DNM3: variants seen among roughly 807,000 people sequenced by gnomAD.
The protein encoded by DNM3 is dynamin-3.
A neutral mutation model predicts 101.6 loss-of-function variants in DNM3; 47 were observed. The ratio of observed to expected loss-of-function variants is 0.46; its 90% CI spans 0.37 to 0.59. The LOEUF (loss-of-function observed/expected upper bound fraction) is 0.59, where lower values mean the gene tolerates loss of function less well. Among genes scored for constraint, DNM3 ranks in the 20% least tolerant of loss-of-function variants. The probability of loss-of-function intolerance (pLI) is 0.00; values close to 1 mark genes in which losing one functional copy is unlikely to be tolerated. For missense variants in DNM3, 849 were observed against 1,085.7 expected, an observed-to-expected ratio of 0.78 and a Z score of 3.06; for synonymous variants, 385 against 387.9, an observed-to-expected ratio of 0.99 and a Z score of 0.09.
chr1:172,324,488 A>G (rs931736153), intron 17 of DNM3, among the ~76,000 whole-genome samples: 3 of 152,178 alleles, frequency 2.0e-5, no homozygotes, highest in Admixed American at 6.6e-5. Flanking sequence ...TAACCCAAGT[A>G]ATAATATATA....
At chr1:172,226,081 A>G in intron 14 of DNM3, among the ~76,000 whole-genome samples, 1 of 152,150 alleles carries the variant, frequency 6.6e-6, no homozygotes, top group East Asian at 1.9e-4. Context: ...TAATGCTGTA[A>G]TAAACATCAC....
At chr1:172,147,043 A>G (rs776322201) in intron 14 of DNM3, among the ~76,000 whole-genome samples, 4 of 152,148 alleles carry the variant, frequency 2.6e-5, no homozygotes, top group Non-Finnish European at 5.9e-5. Context: ...TCCCCTTAGA[A>G]TATATGTCCA....
intron 1 of DNM3, among the ~76,000 whole-genome samples, chr1:171,854,072 G>A (rs2033296479): frequency 6.6e-6 from 1 of 152,132 alleles, no homozygotes; most frequent in Admixed American, 6.5e-5. Flanking sequence ...TTGCTACTTT[G>A]TGAAAGACAC....
chr1:172,306,207 C>A (rs1183910102), intron 15 of DNM3, among the ~76,000 whole-genome samples: 1 of 152,092 alleles, frequency 6.6e-6, no homozygotes. Flanking sequence ...AATCAATGTG[C>A]AAAAATCACA....
chr1:172,254,674 T>C (rs1283699579), intron 15 of DNM3, among the ~76,000 whole-genome samples: 1 of 152,168 alleles, frequency 6.6e-6, no homozygotes, highest in Non-Finnish European at 1.5e-5. Flanking sequence ...TATTTTGTTC[T>C]GCTGTTCATG....
At chr1:172,340,248 A>G (rs942817213) in intron 17 of DNM3, among the ~76,000 whole-genome samples, 1 of 152,206 alleles carries the variant, frequency 6.6e-6, no homozygotes, top group Non-Finnish European at 1.5e-5. Context: ...CCTTCTGGGA[A>G]TTTAGGATGT....
At chr1:172,009,129 ATATTT>A (rs2046941411) in intron 4 of DNM3, among the ~76,000 whole-genome samples, 1 of 129,502 alleles carries the variant, frequency 7.7e-6, no homozygotes, top group Non-Finnish European at 1.6e-5. Flanking sequence ...TATAATATAT[ATATTT>A]ATATTATATA....
chr1:171,998,704 A>G (rs2046172123), intron 4 of DNM3, among the ~76,000 whole-genome samples: 1 of 152,134 alleles, frequency 6.6e-6, no homozygotes, highest in South Asian at 2.1e-4. Flanking sequence ...GCTGCAAAGA[A>G]AAATGAAACA....
chr1:172,208,776 G>A (rs1410012788), intron 14 of DNM3, among the ~76,000 whole-genome samples: 1 of 152,108 alleles, frequency 6.6e-6, no homozygotes, highest in Non-Finnish European at 1.5e-5. Flanking sequence ...GCTAGGCTTA[G>A]TCTCTTGGAA....
In DNM3 at chr1:171,999,753, A is replaced by G. The variant is rs61805850; in HGVS notation, c.589+10605A>G. 6.3e-3 allele frequency among the ~76,000 whole-genome samples: 955 copies of G among 152,226 alleles called. 9 individuals carry two copies. The highest frequency in any genetic ancestry group is 0.011 in the Non-Finnish European group (748 of 67,994). Reference sequence around the variant, plus strand: ...TAGACCCTAAAATCCAATAACTGATATCTTTATAAGAGAAAAGAGAGAGAT... The same window carrying G: ...TAGACCCTAAAATCCAATAACTGATGTCTTTATAAGAGAAAAGAGAGAGAT... On this transcript the variant is annotated intron_variant, in intron 4 of 20. Coordinates refer to ENST00000627582, the MANE Select transcript of DNM3 (RefSeq NM_015569.5).
intron 2 of DNM3, among the ~76,000 whole-genome samples, chr1:171,938,971 T>A (rs1468108706): frequency 6.6e-6 from 1 of 152,248 alleles, no homozygotes; most frequent in African/African-American, 2.4e-5. Flanking sequence ...TGCCTGGTTA[T>A]TGGGATACCA....
At chr1:172,042,510 T>TA (rs1455521850) in intron 8 of DNM3, among the ~76,000 whole-genome samples, 4 of 152,096 alleles carry the variant, frequency 2.6e-5, no homozygotes, top group African/African-American at 9.7e-5. Flanking sequence ...ATAGACAAAA[T>TA]ACGAAAGTTT....
rs116132041 is a variant in DNM3 at position 172,047,737 on chromosome 1, G to A, written c.1197-875G>A. The stretch of plus-strand genomic sequence containing the variant: ...GTCAAGTCAAGATAGTATAAGGGAA[G>A]TGTTGAAAAGATTTTCCAAAAGAGG... On this transcript the variant is annotated intron_variant, in intron 9 of 20. Coordinates refer to ENST00000627582, the MANE Select transcript of DNM3 (RefSeq NM_015569.5). Among the ~76,000 whole-genome samples the A allele has an allele frequency of 7.2e-3, 1,098 of 152,232 alleles. 19 individuals are homozygous for A. Among genetic ancestry groups the A allele is most frequent in the African/African-American group, 0.025 (1,035 of 41,536 alleles).
chr1:172,234,479 A>G (rs1488433727), intron 14 of DNM3, among the ~76,000 whole-genome samples: 9 of 152,152 alleles, frequency 5.9e-5, no homozygotes, highest in Non-Finnish European at 1.0e-4. Flanking sequence ...TACAGATTCA[A>G]TGCCATCCCC....
In DNM3 at chr1:172,407,851, C is replaced by T. The variant is rs755011774; in HGVS notation, c.*10C>T. 1 of 1,613,062 alleles carries T rather than the reference C, an allele frequency of 6.2e-7. No homozygotes were observed. Among genetic ancestry groups the T allele is most frequent in the Non-Finnish European group, 8.5e-7 (1 of 1,179,194 alleles). On this transcript the variant is annotated 3_prime_UTR_variant, in exon 21 of 21. Coordinates refer to ENST00000627582, the MANE Select transcript of DNM3 (RefSeq NM_015569.5). ...CTCCCTGTTAGACTAAACGAAGTGTCTGGCATGGCAATTAATCACTAATGA... is the reference window on the plus strand; with the variant it reads ...CTCCCTGTTAGACTAAACGAAGTGTTTGGCATGGCAATTAATCACTAATGA...
chr1:172,408,939 C>T lies in DNM3; in HGVS notation c.*1098C>T, dbSNP rs1403114790. Reference sequence around the variant, plus strand: ...CAGTAGAAATGGCATGGGATAAGAGCAGAGCTCACACTTTTACAGTTGCAG... The same window carrying T: ...CAGTAGAAATGGCATGGGATAAGAGTAGAGCTCACACTTTTACAGTTGCAG... On this transcript the variant is annotated 3_prime_UTR_variant, in exon 21 of 21. Transcript: ENST00000627582. 1.0e-6 allele frequency: 1 copy of T among 985,186 alleles called. No homozygotes were observed. Among genetic ancestry groups the T allele is most frequent in the African/African-American group, 1.7e-5 (1 of 57,226 alleles). 61.0% of individuals were successfully genotyped at this position (985,186 alleles called of 1,614,324 possible).
At chr1:172,147,045 A>G (rs1386329498) in intron 14 of DNM3, among the ~76,000 whole-genome samples, 1 of 152,160 alleles carries the variant, frequency 6.6e-6, no homozygotes, top group Non-Finnish European at 1.5e-5. Flanking sequence ...CCCTTAGAAT[A>G]TATGTCCATC....
chr1:171,921,835 A>T lies in DNM3; in HGVS notation c.235+14A>T. On this transcript the variant is annotated intron_variant, in intron 2 of 20. Transcript: ENST00000627582. ...CTTCTAAAGCAGGTAATGAATGAAG[A>T]TGTTTACCGCATGGATGGGCACATC... is the stretch of plus-strand genomic sequence containing the variant. The T allele has an allele frequency of 6.3e-7, 1 of 1,588,774 alleles. No homozygotes were observed. The highest frequency in any genetic ancestry group is 2.3e-5 in the East Asian group (1 of 44,118).
At chr1:172,130,989 C>T (rs925270870) in intron 13 of DNM3, among the ~76,000 whole-genome samples, 186 bp from the exon 14 acceptor site, 4 of 152,168 alleles carry the variant, frequency 2.6e-5, no homozygotes, top group Admixed American at 1.3e-4. Context: ...GGAGAGACTT[C>T]CCTTCACTCA....
Sources: gnomAD v4.1 joint callset for allele counts (sites outside exome capture counted in the v4.1 genomes callset) on GRCh38, gnomAD v4.1.1 for gene constraint, MANE v1.5 for transcripts, NCBI Gene and HGNC (gene_info 2026-07-23, HGNC 2026-07-21) for gene names.